ABCA12: variants seen among roughly 807,000 people sequenced by gnomAD.
The protein encoded by ABCA12 is glucosylceramide transporter ABCA12.
A neutral mutation model predicts 293.5 loss-of-function variants in ABCA12; 156 were observed. That is an observed-to-expected ratio of 0.53 (90% CI 0.47 to 0.61). The LOEUF (loss-of-function observed/expected upper bound fraction) is 0.61, where lower values mean the gene tolerates loss of function less well. Among genes scored for constraint, ABCA12 ranks in the 20% least tolerant of loss-of-function variants. The probability of loss-of-function intolerance (pLI) is 0.00; values close to 1 mark genes in which losing one functional copy is unlikely to be tolerated. For synonymous variants in ABCA12, 1,063 were observed against 1,108.0 expected, an observed-to-expected ratio of 0.96 and a Z score of 0.81; for missense variants, 2,797 against 3,090.2, an observed-to-expected ratio of 0.91 and a Z score of 2.25.
intron 5 of ABCA12, among the ~76,000 whole-genome samples, chr2:215,052,039 A>G (rs1575012025): frequency 6.6e-6 from 1 of 152,262 alleles, no homozygotes; most frequent in East Asian, 1.9e-4. Context: ...GAAATCGATA[A>G]GTAAGCTCTC....
chr2:214,989,730 GCTCATTCT>G, intron 24 of ABCA12, 109 bp from the exon 25 acceptor site: 1 of 1,150,422 alleles, frequency 8.7e-7, no homozygotes, highest in East Asian at 2.6e-5. Flanking sequence ...TAAAATTGAT[GCTCATTCT>G]CTAAGCATAT....
At chr2:214,983,904 C>T in intron 28 of ABCA12, 39 bp from the exon 29 acceptor site, 1 of 1,573,762 alleles carries the variant, frequency 6.4e-7, no homozygotes, top group Non-Finnish European at 8.7e-7. Flanking sequence ...ATAAGCCAAG[C>T]ATTGAAGCTA....
chr2:215,008,380 T>C (rs1700299400), intron 18 of ABCA12, among the ~76,000 whole-genome samples: 1 of 151,866 alleles, frequency 6.6e-6, no homozygotes. Flanking sequence ...GCTACATTGT[T>C]TATATTAGCA....
At chr2:214,974,634 G>A in intron 35 of ABCA12, 144 bp downstream of exon 35, 1 of 778,432 alleles carries the variant, frequency 1.3e-6, no homozygotes, top group Non-Finnish European at 2.3e-6. Context: ...AACTAAAGGA[G>A]ATAGACAAAA....
At chr2:214,971,579 G>A (rs889639032) in intron 36 of ABCA12, among the ~76,000 whole-genome samples, 3 of 152,090 alleles carry the variant, frequency 2.0e-5, no homozygotes, top group African/African-American at 7.2e-5. Context: ...TATATTAATG[G>A]AATAGTATAA....
rs780915400 is a variant in ABCA12, at chr2:214,944,986, T to G, written c.7343+15A>C. ...AGACTGTGTGGATTCGCTTTAAAGATTCCACTCAGTTTACCTGTGAGATGT... is the reference window on the plus strand; with the variant it reads ...AGACTGTGTGGATTCGCTTTAAAGAGTCCACTCAGTTTACCTGTGAGATGT... On this transcript the variant is annotated intron_variant, in intron 49 of 52. Coordinates refer to ENST00000272895, the MANE Select transcript of ABCA12 (RefSeq NM_173076.3). 4 of 1,606,902 alleles carry G rather than the reference T, an allele frequency of 2.5e-6. No homozygotes were observed. The Admixed American group carries it at 6.7e-5, about 27-fold the overall frequency.
intron 39 of ABCA12, among the ~76,000 whole-genome samples, chr2:214,964,045 G>A (rs1397025193): frequency 1.3e-5 from 2 of 151,908 alleles, no homozygotes; most frequent in East Asian, 3.9e-4. Flanking sequence ...GCCACAAGTT[G>A]GCTTTCATCC....
At chr2:215,123,988 T>C (rs1702865375) in intron 1 of ABCA12, among the ~76,000 whole-genome samples, 2 of 152,178 alleles carry the variant, frequency 1.3e-5, no homozygotes, top group Admixed American at 6.5e-5. Context: ...CCTCAGAACT[T>C]AGCTCCCACA....
intron 3 of ABCA12, among the ~76,000 whole-genome samples, chr2:215,062,684 C>CGGCATGCAA (rs4016103): frequency 0.41 from 61,525 of 151,350 alleles, 12,880 homozygotes; most frequent in South Asian, 0.61. Context: ...TGCTGTTTCT[C>CGGCATGCAA]GGCATGCAAC....
chr2:215,028,593 A>C (rs567751224), intron 9 of ABCA12, among the ~76,000 whole-genome samples: 6 of 152,204 alleles, frequency 3.9e-5, no homozygotes, highest in Non-Finnish European at 8.8e-5. Flanking sequence ...TCAATTCACA[A>C]ATGAAGGACC....
chr2:214,946,922 A>C (rs1698599514), intron 48 of ABCA12, among the ~76,000 whole-genome samples: 1 of 152,056 alleles, frequency 6.6e-6, no homozygotes, highest in Non-Finnish European at 1.5e-5. Flanking sequence ...GGATGGATCC[A>C]TCACATCCTA....
chr2:215,131,699 ATTG>A (rs1237158628), intron 1 of ABCA12, among the ~76,000 whole-genome samples: 1,529 of 38,586 alleles, frequency 0.04, 42 homozygotes, highest in African/African-American at 0.14. Context: ...GATCCTTTCT[ATTG>A]TTTTTTTTTT....
intron 1 of ABCA12, among the ~76,000 whole-genome samples, chr2:215,137,893 T>G (rs542050710): frequency 2.0e-5 from 3 of 152,338 alleles, no homozygotes; most frequent in Admixed American, 2.0e-4. Flanking sequence ...TGTTCTTTTT[T>G]TTTTGCCCAG....
At chr2:215,029,095 A>T (rs2106026932) in intron 9 of ABCA12, 1 of 152,344 alleles carries the variant, frequency 6.6e-6, no homozygotes, top group Non-Finnish European at 1.5e-5. Context: ...ATTTGGCTAT[A>T]GTGATAAGTA....
intron 31 of ABCA12, 124 bp from the exon 32 acceptor site, chr2:214,979,164 A>T: frequency 1.2e-6 from 1 of 863,286 alleles, no homozygotes; most frequent in Non-Finnish European, 2.0e-6. Context: ...AGATCATAAC[A>T]TCACTGCTCT....
chr2:215,098,158 A>G (rs58677573), intron 2 of ABCA12, among the ~76,000 whole-genome samples: 17,078 of 152,174 alleles, frequency 0.11, 1,329 homozygotes, highest in East Asian at 0.43. Context: ...ATCCTAATTC[A>G]TTTGTTTCTC....
At chr2:214,999,634 A>G (rs898954075) in intron 22 of ABCA12, among the ~76,000 whole-genome samples, 4 of 152,178 alleles carry the variant, frequency 2.6e-5, no homozygotes, top group African/African-American at 9.6e-5. Context: ...TGAGCAGGGA[A>G]CTAGATAAGA....
At chr2:215,059,216 T>C (rs1311335702) in intron 3 of ABCA12, among the ~76,000 whole-genome samples, 1 of 152,072 alleles carries the variant, frequency 6.6e-6, no homozygotes, top group African/African-American at 2.4e-5. Context: ...TTTCTGCAAG[T>C]CTAGTTCTGA....
chr2:214,956,747 A>G lies in ABCA12; in HGVS notation c.6149T>C (p.Ile2050Thr), dbSNP rs533349856. Reference protein sequence around the residue: ...VFYLVPVAFSIGIIAIFKLPA... With the variant: ...VFYLVPVAFSTGIIAIFKLPA... ...TAATTTGAAAATCGCAATGATACCAATTGAAAACGCTACAGGCACCAAGTA... is the reference window on the plus strand; with the variant it reads ...TAATTTGAAAATCGCAATGATACCAGTTGAAAACGCTACAGGCACCAAGTA... The change falls in exon 42 of 53, where the codon ATT (isoleucine) becomes ACT (threonine). Residue 2050 changes from isoleucine to threonine, a missense_variant. Coordinates refer to ENST00000272895, the MANE Select transcript of ABCA12 (RefSeq NM_173076.3). The G allele has an allele frequency of 9.3e-5, 150 of 1,613,662 alleles. 1 individual carries two copies. In the South Asian group the frequency reaches 1.1e-3, roughly 11 times the overall value.
Sources: gnomAD v4.1 joint callset for allele counts (sites outside exome capture counted in the v4.1 genomes callset) on GRCh38, gnomAD v4.1.1 for gene constraint, MANE v1.5 for transcripts, NCBI Gene and HGNC (gene_info 2026-07-23, HGNC 2026-07-21) for gene names.